The following AFDN variants were observed in gnomAD, a reference collection of about 807,000 sequenced individuals.
AFDN encodes the protein afadin, adherens junction formation factor.
Under a neutral mutation model 216.6 loss-of-function variants are expected in AFDN, and 68 were observed. The observed-to-expected ratio is 0.31, with a 90% confidence interval of 0.26 to 0.38. AFDN has a LOEUF of 0.38. Among genes scored for constraint, AFDN ranks in the 10% least tolerant of loss-of-function variants. The pLI, the probability that AFDN is intolerant of heterozygous loss-of-function variation, is 1.00. For synonymous variants in AFDN, 868 were observed against 853.7 expected (o/e 1.02, Z -0.29); for missense variants, 2,136 against 2,342.0 (o/e 0.91, Z 1.82).
rs1795939251 is a variant in AFDN at position 167,951,226 on chromosome 6, C to T, written c.3872C>T (p.Ala1291Val). The change falls in exon 30 of 34, where the codon GCT (alanine) becomes GTT (valine). Residue 1291 changes from alanine (A) to valine (V), a missense_variant. Ala to Val is a moderately conservative substitution (Grantham distance 64). Around this residue, in one of 8 missense-constraint regions of AFDN, gnomAD observed 981 missense variants for 966.0 expected, o/e 1.02. Transcript: ENST00000683244. The surrounding 1 kb of genome is among the most constrained non-coding windows in gnomAD (Gnocchi z 7.1). ...RSQEELREDK[A>V]YQLERHRIEA... ...CAAGAAGAACTTCGAGAAGATAAAG[C>T]TTACCAACTTGAGCGGCATCGAATA... 6.3e-7 allele frequency: 1 copy of T among 1,592,972 alleles called. No individual in the cohort carries two copies.
intron 23 of AFDN, among the ~76,000 whole-genome samples, chr6:167,932,272 T>C (rs1301382174): frequency 6.6e-6 from 1 of 152,198 alleles, no homozygotes; most frequent in East Asian, 1.9e-4. Context: ...TGTTTTGATG[T>C]TAAGTTCCCT....
chr6:167,918,601 C>T (rs1000724205), intron 20 of AFDN, 134 bp from the exon 21 acceptor site: 7 of 815,472 alleles, frequency 8.6e-6, no homozygotes, highest in East Asian at 5.3e-5. Context: ...CGTAACCCTG[C>T]GTCTGTCTGT....
At chr6:167,968,815 C>T (rs569226326) in intron 32 of AFDN, 66 of 354,894 alleles carry the variant, frequency 1.9e-4, no homozygotes, top group African/African-American at 1.3e-3. Flanking sequence ...GTTACACTCA[C>T]CCAGAGTTGC....
chr6:167,963,311 G>A (rs1426459386), intron 31 of AFDN: 13 of 1,062,340 alleles, frequency 1.2e-5, no homozygotes, highest in Non-Finnish European at 1.5e-5. Flanking sequence ...GTTTCATCCC[G>A]AGGGGACTGC....
intron 31 of AFDN, chr6:167,963,027 G>T (rs1797193548): frequency 1.9e-6 from 2 of 1,079,044 alleles, no homozygotes; most frequent in Non-Finnish European, 2.3e-6. Flanking sequence ...CTCACTTCTG[G>T]TTGATGGTAA....
At chr6:167,954,657 C>T (rs1055110749) in intron 30 of AFDN, among the ~76,000 whole-genome samples, 1 of 152,046 alleles carries the variant, frequency 6.6e-6, no homozygotes, top group Non-Finnish European at 1.5e-5. Context: ...TTGAATGTTC[C>T]TAGATTTAGT....
chr6:167,921,897 C>G (rs915667213), intron 21 of AFDN, among the ~76,000 whole-genome samples: 1 of 151,874 alleles, frequency 6.6e-6, no homozygotes, highest in Non-Finnish European at 1.5e-5. Context: ...CATAAATAAC[C>G]TAATTGTCCA....
Position 167,836,463 on chromosome 6 carries a change from A to G in AFDN, c.105+9226A>G, listed in dbSNP as rs542147442. ...GAGAAACAGACACACAAACACAGACAGTATTTTATGTTCTAAGACCAATCA... is the reference window on the plus strand; with the variant it reads ...GAGAAACAGACACACAAACACAGACGGTATTTTATGTTCTAAGACCAATCA... On this transcript the variant is annotated intron_variant, in intron 1 of 33. Coordinates refer to ENST00000683244, the MANE Select transcript of AFDN (RefSeq NM_001386888.1). Among the ~76,000 whole-genome samples the G allele has an allele frequency of 1.1e-4, 17 of 152,350 alleles. No homozygotes were observed. In the East Asian group the frequency reaches 2.3e-3, roughly 21 times the overall value.
intron 5 of AFDN, among the ~76,000 whole-genome samples, chr6:167,877,317 T>C (rs1395770505): frequency 6.6e-6 from 1 of 152,148 alleles, no homozygotes; most frequent in Admixed American, 6.5e-5. Context: ...TGGGATATAT[T>C]TTAGGCTACT....
chr6:167,963,124 T>G, intron 31 of AFDN: 1 of 1,067,526 alleles, frequency 9.4e-7, no homozygotes, highest in Non-Finnish European at 1.1e-6. Context: ...TTCATGTGTG[T>G]GTGTGTGTTT....
chr6:167,858,172 A>C (rs1157269782), intron 1 of AFDN, among the ~76,000 whole-genome samples: 1 of 152,138 alleles, frequency 6.6e-6, no homozygotes, highest in Non-Finnish European at 1.5e-5. Flanking sequence ...TTCTAATTCC[A>C]GTGAAGTCCA....
At chr6:167,899,099 C>T (rs1220185409) in intron 11 of AFDN, among the ~76,000 whole-genome samples, 2 of 152,146 alleles carry the variant, frequency 1.3e-5, no homozygotes, top group Admixed American at 1.3e-4. Context: ...TCCTGAAGCA[C>T]AGACATGAAC....
At position 167,971,042 on chromosome 6, in the gene AFDN, T is replaced by C. The variant is rs1797987433; in HGVS notation, c.*1107T>C. 2.3e-5 allele frequency: 5 copies of C among 217,650 alleles called. No homozygotes were observed. The South Asian group carries it at 5.6e-4, about 24-fold the overall frequency. The allele number at this position is 217,650 out of a possible 1,614,324, so 13.5% of individuals were successfully genotyped here. On this transcript the variant is annotated 3_prime_UTR_variant, in exon 34 of 34. Coordinates refer to ENST00000683244, the MANE Select transcript of AFDN (RefSeq NM_001386888.1). ...GTTGAATTATTAGTTACCACTGTCA[T>C]TTCTTCAGCTATGGATATGTGGCTG...
In AFDN at chr6:167,834,247, A is replaced by C. The variant is rs145819410; in HGVS notation, c.105+7010A>C. The stretch of plus-strand genomic sequence containing the variant: ...CCCAGTTAGTAGTCTTTTATCTCTC[A>C]TCCTCTTCCCACCCTTTTCCCCGAG... On this transcript the variant is annotated intron_variant, in intron 1 of 33. Coordinates refer to ENST00000683244, the MANE Select transcript of AFDN (RefSeq NM_001386888.1). 4.3e-3 allele frequency among the ~76,000 whole-genome samples: 654 copies of C among 152,128 alleles called. 7 individuals are homozygous for C. Among genetic ancestry groups the C allele is most frequent in the African/African-American group, 0.015 (617 of 41,512 alleles).
intron 23 of AFDN, among the ~76,000 whole-genome samples, chr6:167,938,884 G>A (rs533668902): frequency 2.2e-4 from 33 of 152,322 alleles, no homozygotes; most frequent in African/African-American, 7.7e-4. Flanking sequence ...ATTGGGAGTG[G>A]CAGAAGAGCT....
chr6:167,931,340 C>T (rs1379400117), intron 23 of AFDN, among the ~76,000 whole-genome samples: 1 of 151,900 alleles, frequency 6.6e-6, no homozygotes, highest in African/African-American at 2.4e-5. Context: ...TTGAACATGT[C>T]ACACTGGAGA....
chr6:167,887,099 GA>G (rs1414582266), intron 6 of AFDN, among the ~76,000 whole-genome samples: 11 of 150,866 alleles, frequency 7.3e-5, no homozygotes, highest in African/African-American at 2.7e-4. Flanking sequence ...TGTTGATGTT[GA>G]TAAGTGTATA....
At chr6:167,954,913 C>T (rs1262658503) in intron 30 of AFDN, among the ~76,000 whole-genome samples, 1 of 152,134 alleles carries the variant, frequency 6.6e-6, no homozygotes, top group Non-Finnish European at 1.5e-5. Context: ...TAAGATATAA[C>T]TGTCTGTTGG....
chr6:167,948,308 C>G lies in AFDN; in HGVS notation c.3661C>G (p.Pro1221Ala). ...CATTTTACAGGAGCAGACGCCTCCG[C>G]CTAGACCTGAAGCCTACCCCATCCC... ...NLCTEEQTPPPRPEAYPIPTQ... is the reference protein window; with the variant it reads ...NLCTEEQTPPARPEAYPIPTQ... Residue 1221 changes from proline to alanine, a missense_variant, in exon 29 of 34, where the codon CCT becomes GCT. By Grantham distance (27) the Pro-to-Ala change is conservative. Around this residue, in one of 8 missense-constraint regions of AFDN, gnomAD observed 981 missense variants for 966.0 expected, o/e 1.02. Transcript: ENST00000683244. The G allele has an allele frequency of 1.2e-6, 2 of 1,613,638 alleles. No individual in the cohort carries two copies. Among genetic ancestry groups the G allele is most frequent in the Non-Finnish European group, 1.7e-6 (2 of 1,179,736 alleles).
Sources: allele counts gnomAD v4.1 joint callset (sites outside exome capture counted in the v4.1 genomes callset), GRCh38; gene constraint gnomAD v4.1.1; regional missense constraint gnomAD v4.1.1; non-coding constraint Gnocchi (gnomAD v3.1); transcripts MANE v1.5; gene names NCBI Gene and HGNC (gene_info 2026-07-23, HGNC 2026-07-21).